The following FGF12 variants were observed in gnomAD, a reference collection of about 807,000 sequenced individuals.
FGF12 encodes the protein fibroblast growth factor 12B.
A neutral mutation model predicts 23.6 loss-of-function variants in FGF12; 14 were observed. That is an observed-to-expected ratio of 0.59 (90% CI 0.39 to 0.93). FGF12 has a LOEUF of 0.93. Ranked by LOEUF, FGF12 falls within the 40% of genes least tolerant of loss-of-function variation. The pLI, the probability that FGF12 is intolerant of heterozygous loss-of-function variation, is 0.00. For missense variants in FGF12, 175 were observed against 217.8 expected (o/e 0.80, Z 1.24); for synonymous variants, 62 against 77.3 (o/e 0.80, Z 1.04).
At chr3:192,338,233 G>A (rs762114435) in intron 3 of FGF12, among the ~76,000 whole-genome samples, 3 of 151,998 alleles carry the variant, frequency 2.0e-5, no homozygotes, top group Non-Finnish European at 4.4e-5. Flanking sequence ...ATAGGCGCCT[G>A]CCACCACAAC....
rs1401043110 is a variant in FGF12, at chr3:192,617,088, T to C, written c.13+110093A>G. On this transcript the variant is annotated intron_variant, in intron 2 of 5. Coordinates refer to ENST00000445105, the MANE Select transcript of FGF12 (RefSeq NM_004113.6). Reference sequence around the variant, plus strand: ...GGAAGGTATGTCAGTACAATAGAAATGAATACGGGCTGGTCCAGTTAAATC... The same window carrying C: ...GGAAGGTATGTCAGTACAATAGAAACGAATACGGGCTGGTCCAGTTAAATC... 4.0e-5 allele frequency among the ~76,000 whole-genome samples: 6 copies of C among 151,804 alleles called. No individual in the cohort carries two copies. The East Asian group carries it at 1.2e-3, about 30-fold the overall frequency.
Position 192,141,127 on chromosome 3 carries a change from C to CAAAAAAAAAAAAAAAAAAAA in FGF12, c.*2881_*2882insTTTTTTTTTTTTTTTTTTTT, listed in dbSNP as rs1396299359. Reference sequence around the variant, plus strand: ...TCCTGGGAAAAATCCCAATGCAACTCCAAAAAAAAAAAAAAAAAAAAAAAA... The same window carrying CAAAAAAAAAAAAAAAAAAAA: ...TCCTGGGAAAAATCCCAATGCAACTCAAAAAAAAAAAAAAAAAAAACAAAAAAAAAAAAAAAAAAAAAAAA... On this transcript the variant is annotated 3_prime_UTR_variant, in exon 6 of 6. Transcript: ENST00000445105. 0.014 allele frequency: 301 copies of CAAAAAAAAAAAAAAAAAAAA among 21,802 alleles called. 21 individuals carry two copies. The highest frequency in any genetic ancestry group is 0.016 in the African/African-American group (72 of 4,598). The allele number at this position is 21,802 out of a possible 1,614,324, so 1.4% of individuals were successfully genotyped here. A position where few individuals can be genotyped will look rare whatever the true frequency, so the allele number is the denominator to read the frequency against.
At chr3:192,169,444 C>T (rs552453301) in intron 5 of FGF12, among the ~76,000 whole-genome samples, 16 of 152,244 alleles carry the variant, frequency 1.1e-4, no homozygotes, top group African/African-American at 3.8e-4. Flanking sequence ...GGGCTAGGGG[C>T]TTTGAATATC....
chr3:192,533,056 T>C (rs1725132524), intron 2 of FGF12, among the ~76,000 whole-genome samples: 1 of 152,200 alleles, frequency 6.6e-6, no homozygotes, highest in African/African-American at 2.4e-5. Flanking sequence ...GTTTTTGTAA[T>C]TGCATGGAGA....
intron 2 of FGF12, among the ~76,000 whole-genome samples, chr3:192,489,297 C>T (rs987610843): frequency 1.3e-5 from 2 of 151,930 alleles, no homozygotes; most frequent in Non-Finnish European, 2.9e-5. Context: ...TTTCCCTATA[C>T]AAATTTCCAT....
chr3:192,531,454 A>T (rs1725088257), intron 2 of FGF12, among the ~76,000 whole-genome samples: 2 of 152,238 alleles, frequency 1.3e-5, no homozygotes, highest in Admixed American at 1.3e-4. Context: ...GGAAATGCTT[A>T]ACATAGAGAT....
chr3:192,209,771 G>A (rs1717835862), intron 4 of FGF12, among the ~76,000 whole-genome samples: 1 of 152,194 alleles, frequency 6.6e-6, no homozygotes, highest in Admixed American at 6.5e-5. Flanking sequence ...CATACAAACA[G>A]ATGATGAAAT....
At chr3:192,478,295 T>C (rs569156444) in intron 2 of FGF12, among the ~76,000 whole-genome samples, 1 of 152,250 alleles carries the variant, frequency 6.6e-6, no homozygotes, top group South Asian at 2.1e-4. Flanking sequence ...GTCTTATTAA[T>C]GTGGGTTAAG....
chr3:192,404,005 C>CG (rs1353059984), intron 2 of FGF12, among the ~76,000 whole-genome samples: 2 of 152,000 alleles, frequency 1.3e-5, no homozygotes, highest in African/African-American at 2.4e-5. Flanking sequence ...TCAACAAAAT[C>CG]GGGTAAATTA....
intron 2 of FGF12, among the ~76,000 whole-genome samples, chr3:192,553,001 T>C (rs948857310): frequency 6.6e-6 from 1 of 152,178 alleles, no homozygotes; most frequent in African/African-American, 2.4e-5. Context: ...GTCAAGCCAG[T>C]ATTCCACGGT....
chr3:192,467,880 T>C (rs1723056692), intron 2 of FGF12, among the ~76,000 whole-genome samples: 1 of 152,128 alleles, frequency 6.6e-6, no homozygotes. Flanking sequence ...TAGAAGAGGC[T>C]CTAAAAGAAG....
At chr3:192,492,956 ATTTTTTT>A (rs766838831) in intron 2 of FGF12, among the ~76,000 whole-genome samples, 1 of 121,604 alleles carries the variant, frequency 8.2e-6, no homozygotes, top group Non-Finnish European at 1.8e-5. Context: ...AATTTTTGTA[ATTTTTTT>A]TTTTTTTTTT....
chr3:192,664,895 C>T (rs965861942), intron 2 of FGF12, among the ~76,000 whole-genome samples: 10 of 152,158 alleles, frequency 6.6e-5, no homozygotes, highest in Non-Finnish European at 1.2e-4. Context: ...TAGAGTTTTA[C>T]TAACATTTAG....
chr3:192,321,420 A>C (rs954466283), intron 4 of FGF12, among the ~76,000 whole-genome samples: 1 of 151,882 alleles, frequency 6.6e-6, no homozygotes, highest in Non-Finnish European at 1.5e-5. Context: ...AATTTCAAAA[A>C]ATAGAAGAGG....
chr3:192,510,774 GA>G (rs1170520199), intron 2 of FGF12, among the ~76,000 whole-genome samples: 1 of 152,136 alleles, frequency 6.6e-6, no homozygotes, highest in Non-Finnish European at 1.5e-5. Flanking sequence ...CCACGCAATG[GA>G]ATATTATGCA....
At chr3:192,457,252 G>C (rs918154056) in intron 2 of FGF12, among the ~76,000 whole-genome samples, 3 of 152,206 alleles carry the variant, frequency 2.0e-5, no homozygotes, top group Non-Finnish European at 2.9e-5. Flanking sequence ...GGTACCAGTA[G>C]AGTGGGGTGT....
At chr3:192,389,725 A>G (rs1720212962) in intron 2 of FGF12, among the ~76,000 whole-genome samples, 1 of 152,246 alleles carries the variant, frequency 6.6e-6, no homozygotes, top group African/African-American at 2.4e-5. Context: ...TATAATTTCT[A>G]CAAGAGTTGA....
At chr3:192,356,426 G>A (rs921873610) in intron 3 of FGF12, among the ~76,000 whole-genome samples, 1 of 151,942 alleles carries the variant, frequency 6.6e-6, no homozygotes, top group African/African-American at 2.4e-5. Flanking sequence ...CTTGTCCTAT[G>A]GTAACTCAGG....
At chr3:192,636,499 A>G (rs1221966257) in intron 2 of FGF12, among the ~76,000 whole-genome samples, 1 of 152,170 alleles carries the variant, frequency 6.6e-6, no homozygotes, top group East Asian at 1.9e-4. Context: ...ATTCTTAACA[A>G]ATAGTTTCAT....
Sources: gnomAD v4.1 joint callset for allele counts (sites outside exome capture counted in the v4.1 genomes callset) on GRCh38, gnomAD v4.1.1 for gene constraint, MANE v1.5 for transcripts, NCBI Gene and HGNC (gene_info 2026-07-23, HGNC 2026-07-21) for gene names.